Variants in LARGE1 observed in about 807,000 individuals in gnomAD.
LARGE1 encodes the protein xylosyl- and glucuronyltransferase LARGE1.
In LARGE1, 43 loss-of-function variants were observed where a neutral mutation model predicts 87.6. The observed-to-expected ratio is 0.49, with a 90% CI of 0.38 to 0.63. The LOEUF is 0.63. Ranked by LOEUF, LARGE1 falls within the 30% of genes least tolerant of loss-of-function variation. LARGE1 has a pLI of 0.00. For synonymous variants in LARGE1, 434 were observed against 394.6 expected (o/e 1.10, Z -1.18); for missense variants, 802 against 1,000.2 (o/e 0.80, Z 2.67).
chr22:33,691,078 C>T (rs1342955262), intron 2 of LARGE1, among the ~76,000 whole-genome samples: 1 of 152,106 alleles, frequency 6.6e-6, no homozygotes, highest in Non-Finnish European at 1.5e-5. Context: ...ACTGGGCAGC[C>T]CATGGAACAA....
intron 3 of LARGE1, among the ~76,000 whole-genome samples, chr22:33,643,626 T>C (rs2149150192): frequency 6.6e-6 from 1 of 152,224 alleles, no homozygotes; most frequent in African/African-American, 2.4e-5. Flanking sequence ...ATCCAGGAGT[T>C]GGTCTTTTGA....
intron 4 of LARGE1, among the ~76,000 whole-genome samples, chr22:33,607,527 G>T (rs1245716924): frequency 1.3e-5 from 2 of 150,994 alleles, no homozygotes; most frequent in African/African-American, 4.9e-5. Context: ...GGATCTAGAG[G>T]ATTTCAGGAG....
Position 33,567,952 on chromosome 22 carries a change from T to A in LARGE1, c.616-2933A>T, listed in dbSNP as rs8136420. 2.0e-5 allele frequency among the ~76,000 whole-genome samples: 3 copies of A among 152,248 alleles called. No individual in the cohort carries two copies. In the South Asian group the frequency reaches 6.2e-4, roughly 32 times the overall value. On this transcript the variant is annotated intron_variant, in intron 5 of 14. Transcript: ENST00000397394. The stretch of plus-strand genomic sequence containing the variant: ...ACACTTACTTCATCCTATCAGGCAG[T>A]GTGTGGGTGGAAACAGCACACTCTC...
intron 2 of LARGE1, chr22:33,737,802 G>A (rs964499515): frequency 1.3e-5 from 2 of 152,158 alleles, no homozygotes; most frequent in African/African-American, 4.8e-5. Flanking sequence ...TGATGTGGCT[G>A]GATTCTAGGG....
chr22:33,594,398 A>C (rs1250622072), intron 5 of LARGE1, among the ~76,000 whole-genome samples: 1 of 152,120 alleles, frequency 6.6e-6, no homozygotes, highest in African/African-American at 2.4e-5. Flanking sequence ...GAAAATACCA[A>C]ATCTCTAACA....
At chr22:33,115,018 G>A in the LARGE1 span, among the ~76,000 whole-genome samples, 1 of 152,068 alleles carries the variant, frequency 6.6e-6, no homozygotes, top group East Asian at 1.9e-4. Context: ...TTGGTGTCCT[G>A]AAAAATGTTA....
At chr22:33,755,112 G>A (rs1307691250) in intron 2 of LARGE1, among the ~76,000 whole-genome samples, 1 of 152,096 alleles carries the variant, frequency 6.6e-6, no homozygotes, top group Non-Finnish European at 1.5e-5. Context: ...GCCCAGTATC[G>A]GAACCGTATT....
intron 1 of LARGE1, among the ~76,000 whole-genome samples, chr22:33,887,916 C>T (rs944147715): frequency 2.0e-5 from 3 of 152,214 alleles, no homozygotes; most frequent in Non-Finnish European, 4.4e-5. Context: ...ACGTCACATA[C>T]GTTTGTTTCT....
intron 11 of LARGE1, among the ~76,000 whole-genome samples, chr22:33,306,811 T>C (rs762741864): frequency 1.5e-4 from 23 of 150,490 alleles, no homozygotes; most frequent in Admixed American, 3.3e-4. Flanking sequence ...GGGGTGGAGG[T>C]TGCAGTGAGC....
intron 11 of LARGE1, among the ~76,000 whole-genome samples, chr22:33,260,511 C>T (rs75072129): frequency 6.6e-6 from 1 of 152,290 alleles, no homozygotes; most frequent in East Asian, 1.9e-4. Context: ...GTCACCTTCT[C>T]GACCCATCTG....
At chr22:33,802,369 G>GGA (rs1343200753) in intron 1 of LARGE1, among the ~76,000 whole-genome samples, 1 of 152,146 alleles carries the variant, frequency 6.6e-6, no homozygotes, top group African/African-American at 2.4e-5. Context: ...AGACAGGCTG[G>GGA]GAGTCTTCCT....
intron 1 of LARGE1, among the ~76,000 whole-genome samples, chr22:33,860,649 G>T (rs997838583): frequency 1.3e-5 from 2 of 152,148 alleles, no homozygotes; most frequent in East Asian, 1.9e-4. Flanking sequence ...CCTCAGAGGG[G>T]GCTCTTCTGA....
At chr22:33,214,181 G>A (rs537164479) in intron 11 of LARGE1, among the ~76,000 whole-genome samples, 1 of 152,250 alleles carries the variant, frequency 6.6e-6, no homozygotes, top group East Asian at 1.9e-4. Context: ...CAGTTCTGGA[G>A]GCTACAAGTC....
At chr22:33,717,916 C>A (rs2082960160) in intron 2 of LARGE1, among the ~76,000 whole-genome samples, 1 of 152,318 alleles carries the variant, frequency 6.6e-6, no homozygotes, top group East Asian at 1.9e-4. Context: ...CCACTCATGT[C>A]ACCCCTGAGC....
intron 9 of LARGE1, among the ~76,000 whole-genome samples, chr22:33,367,095 T>C (rs951145737): frequency 1.3e-5 from 2 of 152,034 alleles, no homozygotes; most frequent in Non-Finnish European, 2.9e-5. Context: ...CTCAAATTTG[T>C]TCACATAATG....
chr22:33,592,139 T>C (rs908406591), intron 5 of LARGE1, among the ~76,000 whole-genome samples: 5 of 150,538 alleles, frequency 3.3e-5, no homozygotes, highest in African/African-American at 1.2e-4. Flanking sequence ...GAGGAAATCT[T>C]TGCCCAACTT....
chr22:33,096,936 AC>A, the LARGE1 span, among the ~76,000 whole-genome samples: 12 of 152,326 alleles, frequency 7.9e-5, no homozygotes, highest in Non-Finnish European at 1.2e-4. Context: ...TGAGTTCTTT[AC>A]TGCAGAGGAT....
the LARGE1 span, among the ~76,000 whole-genome samples, chr22:33,068,141 T>G: frequency 6.6e-6 from 1 of 152,174 alleles, no homozygotes; most frequent in East Asian, 1.9e-4. Flanking sequence ...GCTTTTTACA[T>G]GGAGGGAAAT....
At chr22:33,739,762 G>A (rs2083805867) in intron 2 of LARGE1, among the ~76,000 whole-genome samples, 2 of 152,222 alleles carry the variant, frequency 1.3e-5, no homozygotes, top group Non-Finnish European at 1.5e-5. Context: ...TGGGCCTGAT[G>A]AAGATTAATA....
Sources: gnomAD v4.1 joint callset for allele counts (sites outside exome capture counted in the v4.1 genomes callset) on GRCh38, gnomAD v4.1.1 for gene constraint, MANE v1.5 for transcripts, NCBI Gene and HGNC (gene_info 2026-07-23, HGNC 2026-07-21) for gene names.